TP73: variants seen among roughly 807,000 people sequenced by gnomAD.
TP73 encodes tumor protein p73, also known as p53-like transcription factor.
Under a neutral mutation model 62.5 loss-of-function variants are expected in TP73, and 25 were observed. That is an observed-to-expected ratio of 0.40 (90% CI 0.29 to 0.56). TP73 has a LOEUF of 0.56. Among genes scored for constraint, TP73 ranks in the 20% least tolerant of loss-of-function variants. TP73 has a pLI of 0.46. For missense variants in TP73, 754 were observed against 913.3 expected (o/e 0.83, Z 2.25); for synonymous variants, 423 against 377.5 (o/e 1.12, Z -1.40).
intron 3 of TP73, among the ~76,000 whole-genome samples, chr1:3,686,861 G>C (rs1461737678): frequency 6.6e-6 from 1 of 152,170 alleles, no homozygotes; most frequent in Non-Finnish European, 1.5e-5. Context: ...TCAGTTTCCT[G>C]TCTATAAATG....
chr1:3,723,342 C>G lies in TP73; in HGVS notation c.617-12C>G. The G allele has an allele frequency of 6.2e-7, 1 of 1,610,120 alleles. No individual in the cohort carries two copies. The highest frequency in any genetic ancestry group is 8.5e-7 in the Non-Finnish European group (1 of 1,177,820). ...CTATGCACCTCTCTGAAGTGTCGACCCCTCCCGGCAGGACAGTCTGCTCCA... is the reference window on the plus strand; with the variant it reads ...CTATGCACCTCTCTGAAGTGTCGACGCCTCCCGGCAGGACAGTCTGCTCCA... On this transcript the variant is annotated splice_polypyrimidine_tract_variant and intron_variant, in intron 5 of 13. Coordinates refer to ENST00000378295, the MANE Select transcript of TP73 (RefSeq NM_005427.4).
intron 3 of TP73, among the ~76,000 whole-genome samples, chr1:3,702,187 T>C (rs1028160336): frequency 1.3e-5 from 2 of 152,136 alleles, no homozygotes; most frequent in Non-Finnish European, 2.9e-5. Flanking sequence ...GGATGGGGCT[T>C]CAGGGCTGGG....
At position 3,683,037 on chromosome 1, in the gene TP73, C is replaced by T. The variant is rs753083283; in HGVS notation, c.66-23C>T. On this transcript the variant is annotated intron_variant, in intron 2 of 13. Coordinates refer to ENST00000378295, the MANE Select transcript of TP73 (RefSeq NM_005427.4). ...ACACCCAAACTGGGGACTGACGCTT[C>T]TATTTTCCTCTCCCTGCCCCAGGGA... 2.5e-6 allele frequency: 4 copies of T among 1,592,278 alleles called. No individual in the cohort carries two copies. In the South Asian group the frequency reaches 4.4e-5, roughly 18 times the overall value.
chr1:3,697,572 G>A lies in TP73; in HGVS notation c.187-9977G>A, dbSNP rs75516873. 7.5e-3 allele frequency among the ~76,000 whole-genome samples: 1,145 copies of A among 152,352 alleles called. 13 individuals are homozygous for A. The highest frequency in any genetic ancestry group is 0.026 in the African/African-American group (1,077 of 41,572). On this transcript the variant is annotated intron_variant, in intron 3 of 13. Coordinates refer to ENST00000378295, the MANE Select transcript of TP73 (RefSeq NM_005427.4). Reference sequence around the variant, plus strand: ...CACTTTTGATCCCAAGCCCCTGCACGCTTGCTGGCTGGTTTGTTTACTGTC... The same window carrying A: ...CACTTTTGATCCCAAGCCCCTGCACACTTGCTGGCTGGTTTGTTTACTGTC...
chr1:3,682,987 TCTGGGCCTGGGAGGTATTGGGGTGACACC>T (rs1324856554), intron 2 of TP73, 44 bp from the exon 3 acceptor site: 1 of 1,537,606 alleles, frequency 6.5e-7, no homozygotes, highest in African/African-American at 1.4e-5. Flanking sequence ...AGCCTTGAGC[TCTGGGCCTGGGAGGTATTGGGGTGACACC>T]CAAACTGGGG....
rs1041876357 is a variant in TP73, at chr1:3,699,381, C to G, written c.187-8168C>G. On this transcript the variant is annotated intron_variant, in intron 3 of 13. Transcript: ENST00000378295. The surrounding 1 kb of genome is among the most constrained non-coding windows in gnomAD (Gnocchi z 4.1). ...GCGGCATACTCTCAAAAAACCACAA[C>G]AGTCTGGTCTCAATATTCTCCAGGG... Among the ~76,000 whole-genome samples the G allele has an allele frequency of 6.6e-6, 1 of 152,156 alleles. No individual in the cohort carries two copies. The highest frequency in any genetic ancestry group is 1.5e-5 in the Non-Finnish European group (1 of 68,030).
intron 4 of TP73, among the ~76,000 whole-genome samples, chr1:3,709,606 C>T (rs961101489): frequency 4.6e-5 from 7 of 152,228 alleles, no homozygotes; most frequent in African/African-American, 1.7e-4. Context: ...ACTTGGAGGT[C>T]TGAAGCCAGG....
intron 3 of TP73, among the ~76,000 whole-genome samples, chr1:3,703,793 C>T (rs755252914): frequency 6.6e-6 from 1 of 152,218 alleles, no homozygotes; most frequent in African/African-American, 2.4e-5. Context: ...TCATCCTGAC[C>T]TGAGAAGCCT....
At chr1:3,686,031 GC>G (rs1645647201) in intron 3 of TP73, among the ~76,000 whole-genome samples, 1 of 152,232 alleles carries the variant, frequency 6.6e-6, no homozygotes, top group Admixed American at 6.5e-5. Context: ...CAGGTGGGGG[GC>G]CTGCTTGTGG....
At chr1:3,687,017 A>G (rs533807704) in intron 3 of TP73, among the ~76,000 whole-genome samples, 1 of 152,280 alleles carries the variant, frequency 6.6e-6, no homozygotes, top group East Asian at 1.9e-4. Context: ...CGGACACCAG[A>G]ACAGCAGAGC....
At chr1:3,693,772 G>T (rs1160776889) in intron 3 of TP73, among the ~76,000 whole-genome samples, 8 of 134,610 alleles carry the variant, frequency 5.9e-5, no homozygotes, top group African/African-American at 2.5e-4. Context: ...TCCCACCCAT[G>T]CAGCCTCAGC....
chr1:3,680,618 G>A (rs572975455), intron 1 of TP73, among the ~76,000 whole-genome samples: 9 of 152,320 alleles, frequency 5.9e-5, no homozygotes, highest in African/African-American at 2.2e-4. Flanking sequence ...CCTGCACCAA[G>A]AGGCTACCCT....
Position 3,727,712 on chromosome 1 carries a change from C to G in TP73, c.927C>G (p.Tyr309Ter). ...GRDRKADEDH[Y>*]REQQALNESS... ...ACCGAAAAGCTGATGAGGACCACTA[C>G]CGGGAGCAGCAGGCCCTGAACGAGA... The change falls in exon 8 of 14, where the codon TAC becomes TAG. Residue 309 changes from tyrosine (Y) to a stop codon, truncating the protein, a stop_gained. Coordinates refer to ENST00000378295, the MANE Select transcript of TP73 (RefSeq NM_005427.4). LOFTEE classifies it high-confidence loss of function. 6.4e-7 allele frequency: 1 copy of G among 1,574,704 alleles called. No individual in the cohort carries two copies. Among genetic ancestry groups the G allele is most frequent in the Non-Finnish European group, 8.6e-7 (1 of 1,161,978 alleles).
At chr1:3,686,842 C>G (rs1355490701) in intron 3 of TP73, among the ~76,000 whole-genome samples, 1 of 152,188 alleles carries the variant, frequency 6.6e-6, no homozygotes, top group Admixed American at 6.5e-5. Context: ...TTACATAGCC[C>G]TCTGGGCCTC....
intron 6 of TP73, among the ~76,000 whole-genome samples, chr1:3,724,779 G>A (rs1462762304): frequency 6.6e-6 from 1 of 152,230 alleles, no homozygotes; most frequent in African/African-American, 2.4e-5. Context: ...AGCACTTTGG[G>A]AGGCCAAGGC....
Position 3,699,971 on chromosome 1 carries a change from C to T in TP73, c.187-7578C>T, listed in dbSNP as rs1461932133. ...CCCCAGTCTCCTGATCTCCGCCAAGCCCAGGGCCCCAGGAAGCGGCCCCAT... is the reference window on the plus strand; with the variant it reads ...CCCCAGTCTCCTGATCTCCGCCAAGTCCAGGGCCCCAGGAAGCGGCCCCAT... On this transcript the variant is annotated intron_variant, in intron 3 of 13. Transcript: ENST00000378295. The surrounding 1 kb of genome is among the most constrained non-coding windows in gnomAD (Gnocchi z 4.1). 6.6e-6 allele frequency among the ~76,000 whole-genome samples: 1 copy of T among 152,064 alleles called. No homozygotes were observed. The highest frequency in any genetic ancestry group is 1.5e-5 in the Non-Finnish European group (1 of 67,994).
At chr1:3,689,916 A>G (rs1241487428) in intron 3 of TP73, among the ~76,000 whole-genome samples, 1 of 152,038 alleles carries the variant, frequency 6.6e-6, no homozygotes, top group Non-Finnish European at 1.5e-5. Context: ...TGTACCCAAG[A>G]CGGCTGAAAT....
chr1:3,721,934 G>A, intron 4 of TP73, 87 bp from the exon 5 acceptor site: 1 of 1,403,684 alleles, frequency 7.1e-7, no homozygotes, highest in South Asian at 1.4e-5. Flanking sequence ...GCACCCATGG[G>A]GAGGACGTGG....
At chr1:3,681,769 G>C (rs1161156936) in intron 1 of TP73, among the ~76,000 whole-genome samples, 1 of 152,084 alleles carries the variant, frequency 6.6e-6, no homozygotes, top group Admixed American at 6.5e-5. Context: ...GGGTGACCGG[G>C]ACCGGAGCCA....
Sources: allele counts gnomAD v4.1 joint callset (sites outside exome capture counted in the v4.1 genomes callset), GRCh38; gene constraint gnomAD v4.1.1; non-coding constraint Gnocchi (gnomAD v3.1); transcripts MANE v1.5; gene names NCBI Gene and HGNC (gene_info 2026-07-23, HGNC 2026-07-21).